The following CFI variants were observed in gnomAD, a reference collection of about 807,000 sequenced individuals.
CFI encodes the protein complement factor I.
CFI carries 66 observed loss-of-function variants against 78.8 expected under a neutral mutation model. That is an observed-to-expected ratio of 0.84 (90% CI 0.69 to 1.03). CFI has a LOEUF of 1.03. Ranked by LOEUF, CFI falls within the 50% of genes least tolerant of loss-of-function variation. The pLI, the probability that CFI is intolerant of heterozygous loss-of-function variation, is 0.00. For missense variants in CFI, 706 were observed against 704.5 expected, an observed-to-expected ratio of 1.00 and a Z score of -0.02; for synonymous variants, 250 against 232.6, an observed-to-expected ratio of 1.07 and a Z score of -0.68.
chr4:109,760,602 A>T lies in CFI; in HGVS notation c.693T>A (p.Asn231Lys). ...CTTTCATCTGAGAAATGTATTTCCC[A>T]TTCACACACTGAAAGAAGTCATCCA... is the stretch of plus-strand genomic sequence containing the variant. ...SPMDDFFQCV[N>K]GKYISQMKAC... The change falls in exon 5 of 13, where the codon AAT becomes AAA. Residue 231 changes from asparagine to lysine, a missense_variant. Physicochemically the swap from Asn to Lys is moderately conservative, Grantham distance 94 (BLOSUM62 0). Coordinates refer to ENST00000394634, the MANE Select transcript of CFI (RefSeq NM_000204.5). The T allele has an allele frequency of 6.2e-7, 1 of 1,609,350 alleles. No individual in the cohort carries two copies. The highest frequency in any genetic ancestry group is 8.5e-7 in the Non-Finnish European group (1 of 1,175,670).
chr4:109,783,812 G>GATATATATATATATATATATATATATAT (rs34128338), intron 1 of CFI, among the ~76,000 whole-genome samples: 33 of 113,010 alleles, frequency 2.9e-4, no homozygotes, highest in Middle Eastern at 4.7e-3. Context: ...AAGAAACTGT[G>GATATATATATATATATATATATATATAT]ATATATATAT....
chr4:109,795,164 A>G (rs141705531), intron 1 of CFI, among the ~76,000 whole-genome samples: 377 of 152,330 alleles, frequency 2.5e-3, no homozygotes, highest in African/African-American at 8.7e-3. Flanking sequence ...GGGGAAAAAG[A>G]GAGCAACCCT....
chr4:109,795,340 C>A (rs1034300326), intron 1 of CFI, among the ~76,000 whole-genome samples: 4 of 152,174 alleles, frequency 2.6e-5, no homozygotes, highest in Non-Finnish European at 5.9e-5. Flanking sequence ...GCTGACCCAC[C>A]CAGAATCTCT....
intron 7 of CFI, 56 bp downstream of exon 7, chr4:109,757,707 G>C (rs1210615663): frequency 1.8e-6 from 2 of 1,134,132 alleles, no homozygotes; most frequent in Middle Eastern, 2.0e-4. Context: ...TAAGACCAAA[G>C]AACCTGAGTT....
intron 1 of CFI, among the ~76,000 whole-genome samples, chr4:109,801,268 C>T (rs1277662169): frequency 6.6e-6 from 1 of 152,168 alleles, no homozygotes; most frequent in Non-Finnish European, 1.5e-5. Context: ...CCTATGGTAG[C>T]ACTTGCTGCT....
chr4:109,770,468 A>C (rs940177739), intron 1 of CFI, among the ~76,000 whole-genome samples: 3 of 151,946 alleles, frequency 2.0e-5, no homozygotes, highest in African/African-American at 7.3e-5. Flanking sequence ...AGGTAGGAGA[A>C]TCACTTGAAC....
intron 1 of CFI, among the ~76,000 whole-genome samples, chr4:109,800,748 T>C (rs943520828): frequency 1.3e-5 from 2 of 152,154 alleles, no homozygotes; most frequent in African/African-American, 4.8e-5. Flanking sequence ...GGTATAAGTA[T>C]GCATTTATAT....
chr4:109,764,114 ATATAGTTTATACTATAACTG>A (rs1727422652), intron 3 of CFI, among the ~76,000 whole-genome samples: 1 of 150,544 alleles, frequency 6.6e-6, no homozygotes, highest in Non-Finnish European at 1.5e-5. Context: ...TATCCTAACT[ATATAGTTTATACTATAACTG>A]TATAGTTTAT....
At chr4:109,771,265 T>C (rs1728549683) in intron 1 of CFI, among the ~76,000 whole-genome samples, 1 of 151,258 alleles carries the variant, frequency 6.6e-6, no homozygotes, top group South Asian at 2.1e-4. Context: ...TAAAAAAAAT[T>C]AGCCAGGCAG....
At chr4:109,752,568 A>G in intron 7 of CFI, 65 bp from the exon 8 acceptor site, 1 of 1,358,642 alleles carries the variant, frequency 7.4e-7, no homozygotes, top group Non-Finnish European at 1.1e-6. Context: ...AAATCATTAA[A>G]ATCATTTAAA....
downstream of CFI, among the ~76,000 whole-genome samples, chr4:109,738,457 C>T (rs373225592): frequency 3.3e-5 from 5 of 152,116 alleles, no homozygotes; most frequent in Admixed American, 6.6e-5. Flanking sequence ...TAAGGTGCTG[C>T]GTTGCTCCCG....
chr4:109,749,089 G>A (rs1466975531), intron 10 of CFI, 129 bp downstream of exon 10: 1 of 892,668 alleles, frequency 1.1e-6, no homozygotes, highest in African/African-American at 1.6e-5. Context: ...AATACCAGAG[G>A]ATACTTTGCA....
At chr4:109,768,278 CAA>C (rs59449659) in intron 1 of CFI, among the ~76,000 whole-genome samples, 56,948 of 87,096 alleles carry the variant, frequency 0.65, 16,970 homozygotes, top group Middle Eastern at 0.75. Flanking sequence ...ACTTAAAGTA[CAA>C]AAAAAAAAAA....
At chr4:109,766,523 T>C (rs778553026) in intron 2 of CFI, 31 bp downstream of exon 2, 15 of 1,611,590 alleles carry the variant, frequency 9.3e-6, no homozygotes, top group Admixed American at 1.7e-5. Context: ...TTTTATATCA[T>C]AGAATGACTT....
At chr4:109,769,682 C>T (rs1165035560) in intron 1 of CFI, among the ~76,000 whole-genome samples, 1 of 152,186 alleles carries the variant, frequency 6.6e-6, no homozygotes, top group Non-Finnish European at 1.5e-5. Flanking sequence ...GCTCATGGTC[C>T]ATGTCTTCTC....
intron 1 of CFI, among the ~76,000 whole-genome samples, chr4:109,780,853 T>C (rs1729923540): frequency 6.6e-6 from 1 of 152,140 alleles, no homozygotes; most frequent in Admixed American, 6.5e-5. Flanking sequence ...TGTAGGGACA[T>C]GGATGAAGCT....
At chr4:109,762,506 A>G (rs1259102859) in intron 3 of CFI, 1 of 152,232 alleles carries the variant, frequency 6.6e-6, no homozygotes, top group East Asian at 1.9e-4. Flanking sequence ...CTTCTAGGAC[A>G]TTCAATTGTT....
chr4:109,750,200 T>G (rs1251574565), intron 8 of CFI, among the ~76,000 whole-genome samples: 1 of 152,018 alleles, frequency 6.6e-6, no homozygotes, highest in Non-Finnish European at 1.5e-5. Context: ...TTTCACCATG[T>G]TGGCCAGGCT....
At chr4:109,751,096 C>T (rs1725076445) in intron 8 of CFI, among the ~76,000 whole-genome samples, 1 of 150,138 alleles carries the variant, frequency 6.7e-6, no homozygotes, top group Admixed American at 6.6e-5. Context: ...ATTAGTAAGT[C>T]CCTATTAAAT....
Sources: allele counts gnomAD v4.1 joint callset (sites outside exome capture counted in the v4.1 genomes callset), GRCh38; gene constraint gnomAD v4.1.1; transcripts MANE v1.5; gene names NCBI Gene and HGNC (gene_info 2026-07-23, HGNC 2026-07-21).